GRID2: variants seen among roughly 807,000 people sequenced by gnomAD.
GRID2 encodes glutamate receptor ionotropic, delta-2.
Under a neutral mutation model 114.8 loss-of-function variants are expected in GRID2, and 33 were observed. The ratio of observed to expected loss-of-function variants is 0.29; its 90% CI spans 0.22 to 0.38. GRID2 has a LOEUF of 0.38. Ranked by LOEUF, GRID2 falls within the 10% of genes least tolerant of loss-of-function variation. GRID2 has a pLI of 1.00. For synonymous variants in GRID2, 505 were observed against 449.9 expected (o/e 1.12, Z -1.55); for missense variants, 1,184 against 1,257.7 (o/e 0.94, Z 0.89).
Position 92,883,949 on chromosome 4 carries a change from A to G in GRID2, c.245-201046A>G, listed in dbSNP as rs377007876. Among the ~76,000 whole-genome samples the G allele has an allele frequency of 1.1e-4, 17 of 152,312 alleles. No individual in the cohort carries two copies. The East Asian group carries it at 2.7e-3, about 24-fold the overall frequency. On this transcript the variant is annotated intron_variant, in intron 2 of 15. Coordinates refer to ENST00000282020, the MANE Select transcript of GRID2 (RefSeq NM_001510.4). ...GTTGTCAGTTTCATTAGTCCCTAATAAGAGAGTCAACCTCTTCTTTGCAAG... is the reference window on the plus strand; with the variant it reads ...GTTGTCAGTTTCATTAGTCCCTAATGAGAGAGTCAACCTCTTCTTTGCAAG...
chr4:92,518,940 A>T (rs1222183364), intron 1 of GRID2, among the ~76,000 whole-genome samples: 1 of 151,856 alleles, frequency 6.6e-6, no homozygotes, highest in Non-Finnish European at 1.5e-5. Flanking sequence ...AAAACATCAC[A>T]TTTACTTTAA....
At chr4:92,776,810 G>A (rs1012079263) in intron 2 of GRID2, among the ~76,000 whole-genome samples, 1 of 151,738 alleles carries the variant, frequency 6.6e-6, no homozygotes, top group East Asian at 1.9e-4. Context: ...ATATTGAGTG[G>A]AACTCACTCT....
chr4:93,479,657 C>A (rs1035089514), intron 11 of GRID2, among the ~76,000 whole-genome samples: 1 of 152,054 alleles, frequency 6.6e-6, no homozygotes, highest in Non-Finnish European at 1.5e-5. Flanking sequence ...TGTCCAGGGG[C>A]AGGGGAAAAA....
intron 9 of GRID2, among the ~76,000 whole-genome samples, chr4:93,411,413 G>T (rs993456641): frequency 2.0e-5 from 3 of 150,658 alleles, no homozygotes; most frequent in Non-Finnish European, 4.4e-5. Context: ...ATGCAAATGA[G>T]TATTTTTAAT....
Position 92,721,284 on chromosome 4 carries a change from G to A in GRID2, c.244+130998G>A, listed in dbSNP as rs549259649. 2.6e-4 allele frequency among the ~76,000 whole-genome samples: 40 copies of A among 152,172 alleles called. No individual in the cohort carries two copies. In the South Asian group the frequency reaches 8.1e-3, roughly 31 times the overall value. On this transcript the variant is annotated intron_variant, in intron 2 of 15. Transcript: ENST00000282020. ...ATGTCACTAAGCTGTACACCTAAAA[G>A]TGGTTAAAATGGGAAATTTTATGTA...
At chr4:92,928,898 T>C (rs1296499935) in intron 2 of GRID2, among the ~76,000 whole-genome samples, 4 of 151,424 alleles carry the variant, frequency 2.6e-5, no homozygotes, top group Non-Finnish European at 4.4e-5. Context: ...TGGCAACATA[T>C]AGCAGTTTTT....
chr4:92,852,076 T>C (rs1865431), intron 2 of GRID2, among the ~76,000 whole-genome samples: 45,715 of 151,664 alleles, frequency 0.3, 7,707 homozygotes, highest in Admixed American at 0.48. Context: ...AAAACATTAT[T>C]AAAGTATTCA....
chr4:93,315,387 G>A (rs918590452), intron 8 of GRID2, among the ~76,000 whole-genome samples: 1 of 152,052 alleles, frequency 6.6e-6, no homozygotes, highest in Non-Finnish European at 1.5e-5. Flanking sequence ...GCTTCGACCA[G>A]CATCTCCCCA....
intron 2 of GRID2, among the ~76,000 whole-genome samples, chr4:92,900,444 A>T (rs866994840): frequency 4.6e-5 from 7 of 152,148 alleles, no homozygotes; most frequent in Middle Eastern, 3.2e-3. Flanking sequence ...GCTATTTCAT[A>T]CTATATGTCC....
At chr4:93,006,485 G>A (rs1264345045) in intron 2 of GRID2, among the ~76,000 whole-genome samples, 1 of 151,898 alleles carries the variant, frequency 6.6e-6, no homozygotes, top group Non-Finnish European at 1.5e-5. Flanking sequence ...TAACAGTCTT[G>A]GGAAGATATG....
chr4:93,675,627 G>A (rs903251942), intron 14 of GRID2, among the ~76,000 whole-genome samples: 1 of 152,146 alleles, frequency 6.6e-6, no homozygotes, highest in African/African-American at 2.4e-5. Context: ...TCAAGGTACT[G>A]CAGGCAAGAT....
At chr4:93,471,925 C>T (rs1724871613) in intron 11 of GRID2, among the ~76,000 whole-genome samples, 2 of 148,910 alleles carry the variant, frequency 1.3e-5, no homozygotes, top group African/African-American at 4.9e-5. Flanking sequence ...GTCTCGAACT[C>T]CCGACCTCAG....
At chr4:93,259,329 G>T in intron 8 of GRID2, among the ~76,000 whole-genome samples, 1 of 151,778 alleles carries the variant, frequency 6.6e-6, no homozygotes, top group East Asian at 1.9e-4. Context: ...ATCAATCATA[G>T]TTAGGCACTT....
At chr4:92,345,830 G>A (rs1436319329) in intron 1 of GRID2, among the ~76,000 whole-genome samples, 1 of 152,122 alleles carries the variant, frequency 6.6e-6, no homozygotes, top group Non-Finnish European at 1.5e-5. Context: ...GTTCTTGAAA[G>A]TAAGCATCGT....
chr4:92,509,411 T>A (rs1294052868), intron 1 of GRID2, among the ~76,000 whole-genome samples: 2 of 152,036 alleles, frequency 1.3e-5, no homozygotes, highest in Admixed American at 6.6e-5. Flanking sequence ...TCTCACTTTT[T>A]AAAAAATTAT....
chr4:93,058,749 AT>A (rs1727501064), intron 2 of GRID2, among the ~76,000 whole-genome samples: 1 of 151,988 alleles, frequency 6.6e-6, no homozygotes, highest in South Asian at 2.1e-4. Context: ...GTTTAAAAAT[AT>A]TTTTAAGTTA....
chr4:93,603,230 G>T (rs2149644782), intron 13 of GRID2, among the ~76,000 whole-genome samples: 1 of 151,996 alleles, frequency 6.6e-6, no homozygotes, highest in East Asian at 1.9e-4. Flanking sequence ...GAAAAGAAAA[G>T]AAAAGAAAAG....
chr4:92,562,030 T>C (rs564781499), intron 1 of GRID2, among the ~76,000 whole-genome samples: 25 of 152,308 alleles, frequency 1.6e-4, no homozygotes, highest in African/African-American at 5.5e-4. Context: ...TAAATAACTT[T>C]GTTTTAGCCA....
At chr4:92,830,294 GT>G (rs58306762) in intron 2 of GRID2, among the ~76,000 whole-genome samples, 1,491 of 137,284 alleles carry the variant, frequency 0.011, 25 homozygotes, top group African/African-American at 0.028. Flanking sequence ...GATTTACATT[GT>G]TTTTTTTTTT....
Sources: gnomAD v4.1 joint callset for allele counts (sites outside exome capture counted in the v4.1 genomes callset) on GRCh38, gnomAD v4.1.1 for gene constraint, MANE v1.5 for transcripts, NCBI Gene and HGNC (gene_info 2026-07-23, HGNC 2026-07-21) for gene names.